The following STARD13 variants were observed in gnomAD, a reference collection of about 807,000 sequenced individuals.
The protein encoded by STARD13 is stAR-related lipid transfer protein 13.
In STARD13, 62 loss-of-function variants were observed where a neutral mutation model predicts 106.4. The observed-to-expected ratio is 0.58, with a 90% CI of 0.48 to 0.72. The LOEUF (loss-of-function observed/expected upper bound fraction) is 0.72, where lower values mean the gene tolerates loss of function less well. Ranked by LOEUF, STARD13 falls within the 30% of genes least tolerant of loss-of-function variation. The probability of loss-of-function intolerance (pLI) is 0.00; values close to 1 mark genes in which losing one functional copy is unlikely to be tolerated. For synonymous variants in STARD13, 565 were observed against 553.0 expected (o/e 1.02, Z -0.31); for missense variants, 1,387 against 1,424.0 (o/e 0.97, Z 0.42).
chr13:33,368,855 A>G, the STARD13 span, among the ~76,000 whole-genome samples: 1 of 152,106 alleles, frequency 6.6e-6, no homozygotes, highest in Non-Finnish European at 1.5e-5. Context: ...TCCGGCCTCC[A>G]GGAAACTCTT....
chr13:33,163,396 C>T (rs1882865421), intron 3 of STARD13, among the ~76,000 whole-genome samples: 1 of 151,492 alleles, frequency 6.6e-6, no homozygotes, highest in Non-Finnish European at 1.5e-5. Context: ...TTCAGACCAG[C>T]CTGGCCAACA....
chr13:33,230,346 AAAG>A (rs1449155867), intron 1 of STARD13, among the ~76,000 whole-genome samples: 1 of 152,232 alleles, frequency 6.6e-6, no homozygotes, highest in African/African-American at 2.4e-5. Flanking sequence ...CCTTGGTTAG[AAAG>A]AAGAAGAGGC....
intron 1 of STARD13, among the ~76,000 whole-genome samples, chr13:33,334,265 C>A (rs1345311520): frequency 2.0e-5 from 3 of 152,112 alleles, no homozygotes; most frequent in African/African-American, 7.2e-5. Flanking sequence ...GGGTGAAAGA[C>A]TTTTTTATTG....
chr13:33,130,130 T>C lies in STARD13; in HGVS notation c.547A>G (p.Ser183Gly). The C allele has an allele frequency of 6.2e-7, 1 of 1,614,164 alleles. No individual in the cohort carries two copies. The highest frequency in any genetic ancestry group is 8.5e-7 in the Non-Finnish European group (1 of 1,180,026). ...GGTGMRNTTSSESVLTDLSEP... is the reference protein window; with the variant it reads ...GGTGMRNTTSGESVLTDLSEP... ...CTCAGGTCTGTGAGGACGCTCTCAC[T>C]GCTGGTCGTGTTCCTCATCCCCGTG... Residue 183 changes from serine (S) to glycine (G), a missense_variant, in exon 5 of 14, where the codon AGT becomes GGT. Transcript: ENST00000336934. The surrounding 1 kb of genome is among the most constrained non-coding windows in gnomAD (Gnocchi z 4.1).
the STARD13 span, among the ~76,000 whole-genome samples, chr13:33,507,749 T>C: frequency 1.3e-5 from 2 of 152,226 alleles, no homozygotes; most frequent in Admixed American, 6.5e-5. Flanking sequence ...ATATTTTATA[T>C]GTTGTATGTA....
At chr13:33,122,193 G>C in intron 7 of STARD13, among the ~76,000 whole-genome samples, 1 of 152,172 alleles carries the variant, frequency 6.6e-6, no homozygotes. Flanking sequence ...TGTTGGCCAG[G>C]CTGGCCCTGA....
chr13:33,249,964 G>T (rs1341900110), intron 1 of STARD13, among the ~76,000 whole-genome samples: 4 of 151,762 alleles, frequency 2.6e-5, no homozygotes, highest in Admixed American at 2.0e-4. Context: ...TAATTTTTTT[G>T]ATTTTTTGTA....
At chr13:33,434,275 C>T in the STARD13 span, among the ~76,000 whole-genome samples, 1 of 140,964 alleles carries the variant, frequency 7.1e-6, no homozygotes, top group Non-Finnish European at 1.5e-5. Flanking sequence ...ATCGCTTGAA[C>T]CCAGGGGGTG....
chr13:33,398,212 C>T, the STARD13 span, among the ~76,000 whole-genome samples: 3 of 152,338 alleles, frequency 2.0e-5, no homozygotes, highest in African/African-American at 7.2e-5. Flanking sequence ...ACAAGTCTTG[C>T]AGTCAGCCTT....
In STARD13 at chr13:33,219,828, A is replaced by G. The variant is rs1223169615; in HGVS notation, c.170-52206T>C. On this transcript the variant is annotated intron_variant, in intron 1 of 13. Coordinates refer to ENST00000336934, the MANE Select transcript of STARD13 (RefSeq NM_178006.4). Reference sequence around the variant, plus strand: ...TAAAAACAAACAAAAAAAAAAAAAGAAAGAAAGAAAGAAAGAAGAAAAGAG... The same window carrying G: ...TAAAAACAAACAAAAAAAAAAAAAGGAAGAAAGAAAGAAAGAAGAAAAGAG... 2.5e-4 allele frequency among the ~76,000 whole-genome samples: 26 copies of G among 103,866 alleles called. 1 individual carries two copies. The highest frequency in any genetic ancestry group is 4.3e-4 in the Non-Finnish European group (22 of 51,630). 68.1% of individuals were successfully genotyped at this position (103,866 alleles called of 152,430 possible).
the STARD13 span, among the ~76,000 whole-genome samples, chr13:33,509,715 C>CAATT: frequency 6.6e-6 from 1 of 152,164 alleles, no homozygotes; most frequent in Non-Finnish European, 1.5e-5. Flanking sequence ...ATTAACAGAG[C>CAATT]AACAGCCAAC....
At chr13:33,499,604 T>TTCCTTC in the STARD13 span, among the ~76,000 whole-genome samples, 9 of 39,904 alleles carry the variant, frequency 2.3e-4, no homozygotes, top group African/African-American at 8.2e-4. Context: ...CTTCTTCTTC[T>TTCCTTC]TTCTTCTTCT....
chr13:33,584,750 C>T, the STARD13 span, among the ~76,000 whole-genome samples: 2 of 151,808 alleles, frequency 1.3e-5, no homozygotes, highest in South Asian at 2.1e-4. Context: ...TTGGCATCAA[C>T]ATTTGCGATT....
chr13:33,549,305 C>G, the STARD13 span, among the ~76,000 whole-genome samples: 3 of 152,052 alleles, frequency 2.0e-5, no homozygotes, highest in African/African-American at 7.2e-5. Flanking sequence ...AAACTGAAAT[C>G]AAGTAATACA....
chr13:33,670,716 GT>G, the STARD13 span, among the ~76,000 whole-genome samples: 1 of 152,306 alleles, frequency 6.6e-6, no homozygotes, highest in Non-Finnish European at 1.5e-5. Flanking sequence ...CAAGAACAAG[GT>G]TTTTAGTAAG....
At chr13:33,498,214 C>G in the STARD13 span, among the ~76,000 whole-genome samples, 3 of 152,152 alleles carry the variant, frequency 2.0e-5, no homozygotes, top group Non-Finnish European at 4.4e-5. Context: ...AGAAGCACAG[C>G]ATGACAACTG....
At chr13:33,534,300 T>C in the STARD13 span, among the ~76,000 whole-genome samples, 2 of 152,202 alleles carry the variant, frequency 1.3e-5, no homozygotes, top group Admixed American at 6.5e-5. Context: ...TTCTTTGGAA[T>C]GGTATTCAAG....
intron 1 of STARD13, among the ~76,000 whole-genome samples, chr13:33,319,551 T>C (rs1893476285): frequency 6.6e-6 from 1 of 152,250 alleles, no homozygotes; most frequent in African/African-American, 2.4e-5. Context: ...TAAAAATTTA[T>C]TTTAAAATGA....
chr13:33,295,845 A>G (rs2138445832), intron 1 of STARD13, among the ~76,000 whole-genome samples: 1 of 152,248 alleles, frequency 6.6e-6, no homozygotes, highest in South Asian at 2.1e-4. Context: ...ATGCCCATGA[A>G]GAGAAAAAAA....
Sources: allele counts gnomAD v4.1 joint callset (sites outside exome capture counted in the v4.1 genomes callset), GRCh38; gene constraint gnomAD v4.1.1; non-coding constraint Gnocchi (gnomAD v3.1); transcripts MANE v1.5; gene names NCBI Gene and HGNC (gene_info 2026-07-23, HGNC 2026-07-21).